IL1RAPL1: variants seen among roughly 807,000 people sequenced by gnomAD.
The protein encoded by IL1RAPL1 is interleukin 1 receptor accessory protein like 1, also known as interleukin-1 receptor accessory protein-like 1.
Under a neutral mutation model 48.4 loss-of-function variants are expected in IL1RAPL1, and 3 were observed. The observed-to-expected ratio is 0.06, with a 90% CI of 0.03 to 0.16. The LOEUF is 0.16. Ranked by LOEUF, IL1RAPL1 falls within the 10% of genes least tolerant of loss-of-function variation. IL1RAPL1 has a pLI of 1.00. For missense variants in IL1RAPL1, 349 were observed against 530.6 expected (o/e 0.66, Z 3.36); for synonymous variants, 185 against 187.7 (o/e 0.99, Z 0.12).
chrX:29,146,667 T>C (rs1929358268), intron 2 of IL1RAPL1, among the ~76,000 whole-genome samples: 1 of 112,302 alleles, frequency 8.9e-6, no homozygotes, highest in Admixed American at 9.5e-5. Context: ...GAGCACCTTT[T>C]ATGTACTTGA....
intron 1 of IL1RAPL1, among the ~76,000 whole-genome samples, chrX:28,606,117 G>C (rs1934080546): frequency 9.0e-6 from 1 of 111,696 alleles, no homozygotes; most frequent in South Asian, 3.7e-4. Flanking sequence ...ATTATTGCTA[G>C]AGTTTAAGCT....
chrX:29,310,093 C>CAAAAAAAAAAA (rs57210050), intron 3 of IL1RAPL1, among the ~76,000 whole-genome samples: 3 of 23,739 alleles, frequency 1.3e-4, no homozygotes, highest in Admixed American at 9.5e-4. Context: ...GACTCCGTCT[C>CAAAAAAAAAAA]AAAAAAAAAA....
chrX:29,378,310 A>G (rs1225710538), intron 3 of IL1RAPL1, among the ~76,000 whole-genome samples: 2 of 111,788 alleles, frequency 1.8e-5, no homozygotes, highest in African/African-American at 3.3e-5. Context: ...TTGGGTTTCA[A>G]CTGTCTCCTG....
intron 6 of IL1RAPL1, among the ~76,000 whole-genome samples, chrX:29,782,539 A>C (rs1929370984): frequency 9.0e-6 from 1 of 111,281 alleles, no homozygotes; most frequent in Admixed American, 9.6e-5. Context: ...TCTGGTGGAT[A>C]AAAATTAAAA....
intron 2 of IL1RAPL1, among the ~76,000 whole-genome samples, chrX:28,876,375 T>G (rs1230592178): frequency 8.9e-6 from 1 of 112,080 alleles, no homozygotes; most frequent in Non-Finnish European, 1.9e-5. Flanking sequence ...CTCATGACCC[T>G]GCCAAGGGCA....
chrX:29,852,117 A>C (rs1931381632), intron 6 of IL1RAPL1, among the ~76,000 whole-genome samples: 1 of 112,725 alleles, frequency 8.9e-6, no homozygotes, highest in Non-Finnish European at 1.9e-5. Context: ...CTTAAGGGAG[A>C]CCAAGCTGTG....
chrX:29,197,657 G>C (rs763989261), intron 2 of IL1RAPL1, among the ~76,000 whole-genome samples: 1 of 110,785 alleles, frequency 9.0e-6, no homozygotes, highest in East Asian at 2.8e-4. Flanking sequence ...AAGTTTACTG[G>C]GTATCAGCAT....
intron 5 of IL1RAPL1, among the ~76,000 whole-genome samples, chrX:29,431,441 C>T (rs1252260134): frequency 2.7e-5 from 3 of 111,846 alleles, no homozygotes; most frequent in Non-Finnish European, 3.8e-5. Flanking sequence ...TGCTGCAGTA[C>T]GCATGTTAAT....
intron 5 of IL1RAPL1, among the ~76,000 whole-genome samples, chrX:29,460,030 T>C (rs1034265496): frequency 1.8e-5 from 2 of 111,971 alleles, no homozygotes; most frequent in Non-Finnish European, 3.8e-5. Context: ...CATTTAAGGA[T>C]GAACAACTGG....
intron 2 of IL1RAPL1, among the ~76,000 whole-genome samples, chrX:29,062,258 A>G (rs1927357550): frequency 8.9e-6 from 1 of 112,284 alleles, no homozygotes; most frequent in South Asian, 3.6e-4. Context: ...GTAAGGTGAC[A>G]TAGAACCAGA....
intron 1 of IL1RAPL1, among the ~76,000 whole-genome samples, chrX:28,636,184 C>G (rs765646362): frequency 9.0e-5 from 10 of 111,524 alleles, no homozygotes; most frequent in African/African-American, 3.3e-4. Context: ...TCTTCCATTT[C>G]TTTTAAAACT....
intron 2 of IL1RAPL1, among the ~76,000 whole-genome samples, chrX:29,188,735 C>T (rs1053488414): frequency 4.6e-5 from 5 of 108,730 alleles, no homozygotes; most frequent in African/African-American, 1.3e-4. Flanking sequence ...TGCAGGTGCC[C>T]GCCACCATGC....
At chrX:29,553,606 A>G (rs1921892052) in intron 5 of IL1RAPL1, among the ~76,000 whole-genome samples, 1 of 111,585 alleles carries the variant, frequency 9.0e-6, no homozygotes, top group Non-Finnish European at 1.9e-5. Flanking sequence ...TGGAGTTGGG[A>G]AAATATTCTT....
At chrX:29,843,174 T>C (rs972576381) in intron 6 of IL1RAPL1, among the ~76,000 whole-genome samples, 2 of 111,856 alleles carry the variant, frequency 1.8e-5, no homozygotes, top group Admixed American at 9.5e-5. Flanking sequence ...CATTCACTGA[T>C]AGACAAGATG....
intron 2 of IL1RAPL1, among the ~76,000 whole-genome samples, chrX:29,282,340 G>T (rs1273502512): frequency 8.9e-6 from 1 of 112,055 alleles, no homozygotes; most frequent in East Asian, 2.8e-4. Context: ...GGCAGAAATC[G>T]CTAAGTTGCT....
intron 2 of IL1RAPL1, among the ~76,000 whole-genome samples, chrX:28,902,718 G>T (rs1292237524): frequency 9.0e-6 from 1 of 111,666 alleles, no homozygotes; most frequent in Non-Finnish European, 1.9e-5. Flanking sequence ...CAAACGTCGG[G>T]CCACAGACCA....
intron 5 of IL1RAPL1, among the ~76,000 whole-genome samples, chrX:29,468,356 A>G (rs1441770117): frequency 8.9e-6 from 1 of 112,460 alleles, no homozygotes; most frequent in African/African-American, 3.2e-5. Flanking sequence ...GCAATGTGCA[A>G]ACATGTAAGT....
intron 6 of IL1RAPL1, among the ~76,000 whole-genome samples, chrX:29,854,955 A>G (rs1362463691): frequency 9.0e-6 from 1 of 111,103 alleles, no homozygotes; most frequent in African/African-American, 3.3e-5. Flanking sequence ...TATAACACCT[A>G]TTTAATTGTT....
chrX:29,007,734 A>T (rs1029047442), intron 2 of IL1RAPL1, among the ~76,000 whole-genome samples: 5 of 111,948 alleles, frequency 4.5e-5, no homozygotes, highest in African/African-American at 1.6e-4. Context: ...AAAGTGAAAA[A>T]TATTAATTTT....
Sources: gnomAD v4.1 joint callset for allele counts (sites outside exome capture counted in the v4.1 genomes callset) on GRCh38, gnomAD v4.1.1 for gene constraint, MANE v1.5 for transcripts, NCBI Gene and HGNC (gene_info 2026-07-23, HGNC 2026-07-21) for gene names.